The following RGS6 variants were observed in gnomAD, a reference collection of about 807,000 sequenced individuals.
RGS6 encodes the protein regulator of G protein signaling 6.
Under a neutral mutation model 78.5 loss-of-function variants are expected in RGS6, and 30 were observed. The ratio of observed to expected loss-of-function variants is 0.38; its 90% CI spans 0.29 to 0.52. The LOEUF is 0.52. RGS6 is among the 20% of genes least tolerant of loss of function. RGS6 has a pLI of 0.85. For missense variants in RGS6, 495 were observed against 609.7 expected (o/e 0.81, Z 1.98); for synonymous variants, 206 against 206.0 (o/e 1.00, Z 0.00).
the RGS6 span, among the ~76,000 whole-genome samples, chr14:72,588,126 A>C: frequency 6.6e-6 from 1 of 152,024 alleles, no homozygotes; most frequent in African/African-American, 2.4e-5. Context: ...AAAAGACACT[A>C]CCTAGGGACC....
intron 2 of RGS6, among the ~76,000 whole-genome samples, chr14:71,981,567 C>CCCT (rs2094455795): frequency 1.4e-5 from 2 of 147,996 alleles, no homozygotes; most frequent in African/African-American, 5.0e-5. Context: ...CCAGTTAGGC[C>CCCT]GCTCGGGGGT....
chr14:72,413,481 T>G (rs1470983643), intron 3 of RGS6, among the ~76,000 whole-genome samples: 3 of 152,324 alleles, frequency 2.0e-5, no homozygotes, highest in East Asian at 3.9e-4. Flanking sequence ...TGAGATGGGT[T>G]TCCTGAATAC....
chr14:72,196,513 C>T (rs1169782734), intron 2 of RGS6, among the ~76,000 whole-genome samples: 1 of 152,156 alleles, frequency 6.6e-6, no homozygotes, highest in Non-Finnish European at 1.5e-5. Context: ...CCCCCTGTTC[C>T]TCCTGGGAAC....
intron 3 of RGS6, among the ~76,000 whole-genome samples, chr14:72,356,109 T>G (rs1440937708): frequency 6.6e-6 from 1 of 152,184 alleles, no homozygotes; most frequent in East Asian, 1.9e-4. Flanking sequence ...AGGAGGCTAT[T>G]ATTAAAATGG....
intron 15 of RGS6, among the ~76,000 whole-genome samples, chr14:72,529,289 G>A (rs529460696): frequency 2.0e-4 from 31 of 152,276 alleles, no homozygotes; most frequent in South Asian, 6.2e-4. Context: ...TCTCAGACCC[G>A]CACCTTGGAT....
At chr14:72,113,601 A>C (rs1354086764) in intron 2 of RGS6, among the ~76,000 whole-genome samples, 2 of 152,186 alleles carry the variant, frequency 1.3e-5, no homozygotes, top group East Asian at 3.8e-4. Flanking sequence ...CACTACCAAA[A>C]GTTAGTTAAT....
intron 2 of RGS6, among the ~76,000 whole-genome samples, chr14:72,215,586 C>T (rs577982405): frequency 3.7e-4 from 56 of 152,252 alleles, no homozygotes; most frequent in African/African-American, 1.1e-3. Context: ...TTGGCTGGAA[C>T]GGGACCTCAC....
the RGS6 span, among the ~76,000 whole-genome samples, chr14:71,911,158 T>C: frequency 1.3e-5 from 2 of 152,178 alleles, no homozygotes; most frequent in Non-Finnish European, 2.9e-5. Context: ...GTATGTGCCT[T>C]ATTTGCATTG....
intron 2 of RGS6, among the ~76,000 whole-genome samples, chr14:72,171,046 T>C (rs944824659): frequency 6.6e-6 from 1 of 152,212 alleles, no homozygotes; most frequent in African/African-American, 2.4e-5. Flanking sequence ...CTTATCGGTT[T>C]AAATTGTGCA....
chr14:72,603,292 C>T, the RGS6 span, among the ~76,000 whole-genome samples: 1 of 152,176 alleles, frequency 6.6e-6, no homozygotes, highest in African/African-American at 2.4e-5. Flanking sequence ...TTTAAGTGGG[C>T]TGTAGTAACC....
At chr14:71,898,838 A>G in the RGS6 span, among the ~76,000 whole-genome samples, 1 of 152,232 alleles carries the variant, frequency 6.6e-6, no homozygotes, top group Non-Finnish European at 1.5e-5. Context: ...CGCAAGGGAC[A>G]TGAACTCAAT....
the RGS6 span, among the ~76,000 whole-genome samples, chr14:71,890,358 C>CAGAGAGAG: frequency 0.089 from 11,839 of 132,958 alleles, 580 homozygotes; most frequent in Admixed American, 0.11. Context: ...GTGCATAAGA[C>CAGAGAGAG]AGAGAGAGAG....
chr14:72,393,245 G>A lies in RGS6; in HGVS notation c.184+41051G>A, dbSNP rs534896105. ...GGGGAACCAGGACTGAGCCAGCAGC[G>A]AAATATTCTGTGATGTAAGGTGGAA... On this transcript the variant is annotated intron_variant, in intron 3 of 17. Transcript: ENST00000553525. Among the ~76,000 whole-genome samples the A allele has an allele frequency of 7.2e-4, 109 of 152,294 alleles. 1 individual carries two copies. Among genetic ancestry groups the A allele is most frequent in the African/African-American group, 2.5e-3 (102 of 41,558 alleles).
chr14:71,890,725 C>G, the RGS6 span, among the ~76,000 whole-genome samples: 1 of 152,164 alleles, frequency 6.6e-6, no homozygotes, highest in African/African-American at 2.4e-5. Flanking sequence ...CTGCTACCCA[C>G]ACATCGCATG....
intron 2 of RGS6, among the ~76,000 whole-genome samples, chr14:72,220,361 T>C (rs2046577823): frequency 6.6e-6 from 1 of 152,212 alleles, no homozygotes; most frequent in Non-Finnish European, 1.5e-5. Context: ...TATCCTTTAT[T>C]GATCCTTTTC....
chr14:72,067,733 G>C (rs912273511), intron 2 of RGS6, among the ~76,000 whole-genome samples: 3 of 152,134 alleles, frequency 2.0e-5, no homozygotes, highest in African/African-American at 7.2e-5. Flanking sequence ...AAGTTTGCGC[G>C]TACAGCTAGC....
At chr14:71,940,100 T>A (rs886158764) in intron 1 of RGS6, among the ~76,000 whole-genome samples, 2 of 152,210 alleles carry the variant, frequency 1.3e-5, no homozygotes, top group African/African-American at 4.8e-5. Context: ...CCATTAATTA[T>A]CTGACTTGCA....
At chr14:72,342,565 T>TAAAAAA (rs369765140) in intron 2 of RGS6, among the ~76,000 whole-genome samples, 1 of 133,430 alleles carries the variant, frequency 7.5e-6, no homozygotes, top group African/African-American at 2.8e-5. Flanking sequence ...GACTCTGTCT[T>TAAAAAA]AAAAAAAAAA....
At chr14:72,049,472 T>C (rs1376377495) in intron 2 of RGS6, among the ~76,000 whole-genome samples, 10 of 152,214 alleles carry the variant, frequency 6.6e-5, no homozygotes, top group Non-Finnish European at 1.5e-5. Flanking sequence ...TATCTACCTT[T>C]ATGCTTACTG....
Sources: allele counts gnomAD v4.1 joint callset (sites outside exome capture counted in the v4.1 genomes callset), GRCh38; gene constraint gnomAD v4.1.1; transcripts MANE v1.5; gene names NCBI Gene and HGNC (gene_info 2026-07-23, HGNC 2026-07-21).